Variants in NRF1 observed in about 807,000 individuals in gnomAD.
The protein encoded by NRF1 is nuclear respiratory factor 1, also known as alpha palindromic-binding protein.
NRF1 carries 5 observed loss-of-function variants against 58.5 expected under a neutral mutation model. The observed-to-expected ratio is 0.09, with a 90% CI of 0.04 to 0.18. The LOEUF (loss-of-function observed/expected upper bound fraction) is 0.18. Ranked by LOEUF, NRF1 falls within the 10% of genes least tolerant of loss-of-function variation. The pLI, the probability that NRF1 is intolerant of heterozygous loss-of-function variation, is 1.00. For synonymous variants in NRF1, 224 were observed against 246.7 expected, an observed-to-expected ratio of 0.91 and a Z score of 0.86; for missense variants, 288 against 657.7, an observed-to-expected ratio of 0.44 and a Z score of 6.15.
rs575975785 is a variant in NRF1 at position 129,636,081 on chromosome 7, G to A, written c.-6-21265G>A. Among the ~76,000 whole-genome samples the A allele has an allele frequency of 3.3e-5, 5 of 152,112 alleles. No individual in the cohort carries two copies. The East Asian group carries it at 9.6e-4, about 29-fold the overall frequency. On this transcript the variant is annotated intron_variant, in intron 1 of 10. Transcript: ENST00000393232. The stretch of plus-strand genomic sequence containing the variant: ...AGTGCCCAGGGCTAAGTACAGGAGT[G>A]GTCTTTGTTCACATTGTGCATATGT...
At chr7:129,662,116 G>A (rs113048937) in intron 2 of NRF1, among the ~76,000 whole-genome samples, 3 of 146,980 alleles carry the variant, frequency 2.0e-5, no homozygotes, top group East Asian at 3.8e-4. Flanking sequence ...AGACCTGCCC[G>A]CATGATTCAG....
chr7:129,748,528 C>T (rs934787159), intron 10 of NRF1, among the ~76,000 whole-genome samples: 10 of 152,080 alleles, frequency 6.6e-5, no homozygotes, highest in African/African-American at 2.4e-4. Context: ...AGAGACCTGC[C>T]TGAGGAAGTT....
In NRF1 at chr7:129,622,338, C is replaced by T. The variant is rs1050921346; in HGVS notation, c.-7+10514C>T. 3.9e-5 allele frequency among the ~76,000 whole-genome samples: 6 copies of T among 152,022 alleles called. No homozygotes were observed. In the South Asian group the frequency reaches 1.2e-3, roughly 32 times the overall value. Reference sequence around the variant, plus strand: ...ACTTATCTTTACTGGGCTTTTTCCCCATTTGAAAAATGAGGAGGACAGAAA... The same window carrying T: ...ACTTATCTTTACTGGGCTTTTTCCCTATTTGAAAAATGAGGAGGACAGAAA... On this transcript the variant is annotated intron_variant, in intron 1 of 10. Transcript: ENST00000393232.
intron 1 of NRF1, among the ~76,000 whole-genome samples, chr7:129,619,396 G>GTGTGTATA (rs1491323365): frequency 2.1e-5 from 1 of 47,358 alleles, no homozygotes; most frequent in African/African-American, 1.1e-4. Flanking sequence ...TGGCATACGT[G>GTGTGTATA]TATATATATA....
At chr7:129,614,493 T>C (rs1223571447) in intron 1 of NRF1, among the ~76,000 whole-genome samples, 1 of 118,218 alleles carries the variant, frequency 8.5e-6, no homozygotes, top group East Asian at 2.3e-4. Flanking sequence ...TTTTTTTTTT[T>C]AAGTTAGAGA....
chr7:129,747,455 T>A (rs1478026453), intron 10 of NRF1, among the ~76,000 whole-genome samples: 2 of 152,234 alleles, frequency 1.3e-5, no homozygotes, highest in East Asian at 3.8e-4. Context: ...TGCTTTTCTT[T>A]CTGTTTCCCG....
intron 1 of NRF1, among the ~76,000 whole-genome samples, chr7:129,619,486 G>GTA (rs1287050843): frequency 0.041 from 1,306 of 32,178 alleles, 23 homozygotes; most frequent in South Asian, 0.073. Flanking sequence ...GTGTGTGTGT[G>GTA]TGTGTATATA....
intron 10 of NRF1, among the ~76,000 whole-genome samples, chr7:129,738,423 C>A (rs1039256307): frequency 1.3e-5 from 2 of 152,174 alleles, no homozygotes; most frequent in African/African-American, 4.8e-5. Context: ...TTCCACACGC[C>A]CCCCTGGGAA....
rs938023497 is a variant in NRF1, at chr7:129,710,271, G to A, written c.766-103G>A. 3 of 1,021,876 alleles carry A rather than the reference G, an allele frequency of 2.9e-6. No homozygotes were observed. The African/African-American group carries it at 4.7e-5, about 16-fold the overall frequency. The allele number at this position is 1,021,876 out of a possible 1,614,324, so 63.3% of individuals were successfully genotyped here. A position where few individuals can be genotyped will look rare whatever the true frequency, so the allele number is the denominator to read the frequency against. ...CTAGGAGAGTCTAATAAGAGGTTTGGTTTGGTTTGATTTGATAAAGAAGTA... is the reference window on the plus strand; with the variant it reads ...CTAGGAGAGTCTAATAAGAGGTTTGATTTGGTTTGATTTGATAAAGAAGTA... On this transcript the variant is annotated intron_variant, in intron 6 of 10. Coordinates refer to ENST00000393232, the MANE Select transcript of NRF1 (RefSeq NM_005011.5).
intron 4 of NRF1, among the ~76,000 whole-genome samples, chr7:129,686,553 C>T (rs886912115): frequency 6.6e-6 from 1 of 152,200 alleles, no homozygotes; most frequent in Non-Finnish European, 1.5e-5. Context: ...TATTAAGCCT[C>T]AGTTTTCTTA....
intron 1 of NRF1, 119 bp downstream of exon 1, chr7:129,611,943 G>C (rs1183315913): frequency 2.0e-5 from 3 of 148,424 alleles, no homozygotes; most frequent in Admixed American, 2.0e-4. Flanking sequence ...CCCGGCTCTG[G>C]GCCTGGGCCC....
chr7:129,652,216 C>CTTT (rs1398252385), intron 1 of NRF1, among the ~76,000 whole-genome samples: 1 of 152,096 alleles, frequency 6.6e-6, no homozygotes, highest in Admixed American at 6.6e-5. Context: ...TAATTATGTT[C>CTTT]TTTTACATGC....
chr7:129,680,082 T>G (rs1802273462), intron 4 of NRF1, among the ~76,000 whole-genome samples: 1 of 151,756 alleles, frequency 6.6e-6, no homozygotes, highest in South Asian at 2.1e-4. Flanking sequence ...ATAATAAAAA[T>G]AAAAATAGGC....
At chr7:129,671,079 T>C (rs1474429424) in intron 2 of NRF1, among the ~76,000 whole-genome samples, 1 of 152,180 alleles carries the variant, frequency 6.6e-6, no homozygotes, top group Non-Finnish European at 1.5e-5. Context: ...ACTTCTCCTC[T>C]CAGTGCTACA....
intron 1 of NRF1, among the ~76,000 whole-genome samples, chr7:129,654,884 G>A (rs1006340572): frequency 6.6e-6 from 1 of 152,164 alleles, no homozygotes; most frequent in Non-Finnish European, 1.5e-5. Flanking sequence ...TCTTAAAGTT[G>A]TGTGGTATCA....
Position 129,625,429 on chromosome 7 carries a change from G to T in NRF1, c.-7+13605G>T, listed in dbSNP as rs573175986. On this transcript the variant is annotated intron_variant, in intron 1 of 10. Coordinates refer to ENST00000393232, the MANE Select transcript of NRF1 (RefSeq NM_005011.5). The stretch of plus-strand genomic sequence containing the variant: ...AAATTCTGTTAATGTCACTTACTAA[G>T]TTTGCAACCTTGAGCATGTTATTTA... Among the ~76,000 whole-genome samples the T allele has an allele frequency of 2.0e-5, 3 of 152,252 alleles. No individual in the cohort carries two copies. The East Asian group carries it at 5.8e-4, about 29-fold the overall frequency.
chr7:129,665,179 T>C (rs1351823412), intron 2 of NRF1, among the ~76,000 whole-genome samples: 1 of 152,006 alleles, frequency 6.6e-6, no homozygotes, highest in African/African-American at 2.4e-5. Flanking sequence ...AGATGGGAAA[T>C]GGGAAGGAGG....
At chr7:129,625,212 T>C (rs1800887059) in intron 1 of NRF1, among the ~76,000 whole-genome samples, 1 of 152,176 alleles carries the variant, frequency 6.6e-6, no homozygotes, top group Non-Finnish European at 1.5e-5. Context: ...CTCTATCTGC[T>C]TCACCCTTAA....
At chr7:129,667,598 A>G (rs904276617) in intron 2 of NRF1, among the ~76,000 whole-genome samples, 5 of 151,694 alleles carry the variant, frequency 3.3e-5, no homozygotes, top group African/African-American at 1.2e-4. Context: ...TATTTATATT[A>G]TTGTGAAATT....
Sources: gnomAD v4.1 joint callset for allele counts (sites outside exome capture counted in the v4.1 genomes callset) on GRCh38, gnomAD v4.1.1 for gene constraint, MANE v1.5 for transcripts, NCBI Gene and HGNC (gene_info 2026-07-23, HGNC 2026-07-21) for gene names.